POTEJ: variants seen among roughly 807,000 people sequenced by gnomAD.
The protein encoded by POTEJ is POTE ankyrin domain family, member J.
Under a neutral mutation model 69.0 loss-of-function variants are expected in POTEJ, and 11 were observed. The observed-to-expected ratio is 0.16, with a 90% CI of 0.10 to 0.26. POTEJ has a LOEUF of 0.26. Among genes scored for constraint, POTEJ ranks in the 10% least tolerant of loss-of-function variants. The probability of loss-of-function intolerance (pLI) is 1.00; values close to 1 mark genes in which losing one functional copy is unlikely to be tolerated. For missense variants in POTEJ, 327 were observed against 1,045.5 expected, an observed-to-expected ratio of 0.31 and a Z score of 9.48; for synonymous variants, 117 against 381.1, an observed-to-expected ratio of 0.31 and a Z score of 8.07.
rs1351752974 is a variant in POTEJ, at chr2:130,615,803, T to G, written c.411-987T>G. ...TCCACAAATAGTTTCATAAATCCAT[T>G]TTAAAACAACAAAATTTATAACAGT... On this transcript the variant is annotated intron_variant, in intron 1 of 14. Transcript: ENST00000409602. 9.1e-3 allele frequency among the ~76,000 whole-genome samples: 1,311 copies of G among 143,604 alleles called. 18 individuals are homozygous for G. The highest frequency in any genetic ancestry group is 0.034 in the African/African-American group (1,208 of 35,096). The allele number at this position is 143,604 out of a possible 152,430, so 94.2% of individuals were successfully genotyped here.
chr2:130,655,024 GA>G lies in POTEJ; in HGVS notation c.1777del (p.Met593Ter). ...TGAAGAAAAGCAGATAGAAGTGGTTGAAAAAATGAATTCTGAGGTATTTTCT... is the reference window on the plus strand; with the variant it reads ...TGAAGAAAAGCAGATAGAAGTGGTTGAAAAATGAATTCTGAGGTATTTTCT... ...IHEEKQIEVV[E>X]KMNSELSLSC... On this transcript the variant is annotated frameshift_variant, in exon 14 of 15. Coordinates refer to ENST00000409602, the MANE Select transcript of POTEJ (RefSeq NM_001277083.2). LOFTEE classifies it high-confidence loss of function. 1 of 828,040 alleles carries G rather than the reference GA, an allele frequency of 1.2e-6. No individual in the cohort carries two copies. Among genetic ancestry groups the G allele is most frequent in the Non-Finnish European group, 1.8e-6 (1 of 555,732 alleles). The allele number at this position is 828,040 out of a possible 1,614,324, so 51.3% of individuals were successfully genotyped here. A position where few individuals can be genotyped will look rare whatever the true frequency, so the allele number is the denominator to read the frequency against.
chr2:130,630,761 A>T (rs553210049), intron 7 of POTEJ, among the ~76,000 whole-genome samples: 472 of 138,218 alleles, frequency 3.4e-3, no homozygotes, highest in African/African-American at 7.8e-3. Context: ...TTATTAAAAA[A>T]TCTTTATCCA....
At position 130,657,435 on chromosome 2, in the gene POTEJ, T is replaced by G; in HGVS notation, c.2675T>G (p.Met892Arg). ...VALDFEQEMA[M>R]VASSSSLEKS... is the part of the protein sequence containing the mutation. ...CTGGACTTCGAGCAGGAGATGGCCATGGTGGCCTCCAGCTCCTCCCTAGAG... is the reference window on the plus strand; with the variant it reads ...CTGGACTTCGAGCAGGAGATGGCCAGGGTGGCCTCCAGCTCCTCCCTAGAG... Residue 892 changes from methionine (M) to arginine (R), a missense_variant, in exon 15 of 15, where the codon ATG becomes AGG. Physicochemically the swap from Met to Arg is moderately conservative, Grantham distance 91. Transcript: ENST00000409602. The G allele has an allele frequency of 8.3e-7, 1 of 1,206,788 alleles. No homozygotes were observed. The highest frequency in any genetic ancestry group is 1.1e-6 in the Non-Finnish European group (1 of 890,404). The allele number at this position is 1,206,788 out of a possible 1,614,324, so 74.8% of individuals were successfully genotyped here.
chr2:130,628,921 G>A (rs1422191726), intron 6 of POTEJ, among the ~76,000 whole-genome samples: 5 of 145,720 alleles, frequency 3.4e-5, no homozygotes, highest in Non-Finnish European at 6.0e-5. Flanking sequence ...CGGAGACTGA[G>A]ACAGGAGAAT....
At chr2:130,628,769 C>T (rs1327196074) in intron 6 of POTEJ, among the ~76,000 whole-genome samples, 6 of 149,592 alleles carry the variant, frequency 4.0e-5, no homozygotes, top group Non-Finnish European at 8.9e-5. Flanking sequence ...CACCTCTAAT[C>T]CCAGCATTTT....
intron 10 of POTEJ, among the ~76,000 whole-genome samples, chr2:130,643,119 G>A (rs1352944250): frequency 6.8e-6 from 1 of 146,982 alleles, no homozygotes; most frequent in Non-Finnish European, 1.5e-5. Context: ...TACAGTTTAG[G>A]TGGTCAAGAT....
rs1014922702 is a variant in POTEJ at position 130,620,632 on chromosome 2, C to G, written c.806+481C>G. Among the ~76,000 whole-genome samples the G allele has an allele frequency of 2.2e-5, 2 of 90,920 alleles. 1 individual carries two copies. The highest frequency in any genetic ancestry group is 3.7e-5 in the Non-Finnish European group (2 of 53,604). The allele number at this position is 90,920 out of a possible 152,430, so 59.6% of individuals were successfully genotyped here. On this transcript the variant is annotated intron_variant, in intron 4 of 14. Transcript: ENST00000409602. ...GAAGAATATTAATGTTAGCTTATTG[C>G]TACATGACAATTAATTGCTGTTCCC...
In POTEJ at chr2:130,624,005, G is replaced by T. The variant is rs1296471430; in HGVS notation, c.945-59G>T. Reference sequence around the variant, plus strand: ...AATACTCTTAATAATTCTGCATTTGGTAAGATTTTTATATCAGTATTAAAA... The same window carrying T: ...AATACTCTTAATAATTCTGCATTTGTTAAGATTTTTATATCAGTATTAAAA... On this transcript the variant is annotated intron_variant, in intron 5 of 14. Coordinates refer to ENST00000409602, the MANE Select transcript of POTEJ (RefSeq NM_001277083.2). The T allele has an allele frequency of 1.3e-6, 2 of 1,490,288 alleles. 1 individual carries two copies. Among genetic ancestry groups the T allele is most frequent in the Non-Finnish European group, 1.8e-6 (2 of 1,101,772 alleles). 92.3% of individuals were successfully genotyped at this position (1,490,288 alleles called of 1,614,324 possible).
intron 10 of POTEJ, among the ~76,000 whole-genome samples, chr2:130,640,591 A>G (rs1449170742): frequency 1.3e-5 from 2 of 151,978 alleles, no homozygotes; most frequent in African/African-American, 4.8e-5. Flanking sequence ...AATCCGCAGC[A>G]GCTCCAAACA....
In POTEJ at chr2:130,656,563, T is replaced by C. The variant is rs1274515568; in HGVS notation, c.1803T>C (p.Cys601=). ...EKMNSELSLS[C]KKERDFLHEN... is the part of the protein sequence containing the mutation. ...TGTTTACTTAGCTTTCTCTTAGTTG[T>C]AAGAAAGAAAGAGACTTCTTGCATG... Residue 601 remains cysteine, a synonymous_variant, in exon 15 of 15, where the codon TGT becomes TGC. Coordinates refer to ENST00000409602, the MANE Select transcript of POTEJ (RefSeq NM_001277083.2). 7 of 1,609,346 alleles carry C rather than the reference T, an allele frequency of 4.3e-6. No homozygotes were observed. The highest frequency in any genetic ancestry group is 5.9e-6 in the Non-Finnish European group (7 of 1,179,794).
At chr2:130,655,329 G>T (rs1265261684) in intron 14 of POTEJ, among the ~76,000 whole-genome samples, 3 of 152,182 alleles carry the variant, frequency 2.0e-5, no homozygotes, top group Non-Finnish European at 2.9e-5. Flanking sequence ...AATAAGTTTT[G>T]CTACTGAAAA....
In POTEJ at chr2:130,622,636, C is replaced by T. The variant is rs569106285; in HGVS notation, c.944+1033C>T. On this transcript the variant is annotated intron_variant, in intron 5 of 14. Transcript: ENST00000409602. ...CAGTGGCTCCCAGCTGTGGTTGGCC[C>T]CTTGAGTGATCTGATTTACATGATA... is the stretch of plus-strand genomic sequence containing the variant. Among the ~76,000 whole-genome samples the T allele has an allele frequency of 4.2e-4, 58 of 138,714 alleles. 4 individuals are homozygous for T. In the South Asian group the frequency reaches 4.7e-3, roughly 11 times the overall value. The allele number at this position is 138,714 out of a possible 152,430, so 91.0% of individuals were successfully genotyped here.
intron 14 of POTEJ, among the ~76,000 whole-genome samples, chr2:130,655,549 A>C (rs1404075266): frequency 1.3e-5 from 2 of 152,244 alleles, no homozygotes; most frequent in Non-Finnish European, 2.9e-5. Flanking sequence ...ATGACATGCC[A>C]TGATACACAT....
intron 10 of POTEJ, among the ~76,000 whole-genome samples, chr2:130,639,306 A>G (rs1686243912): frequency 6.6e-6 from 1 of 152,310 alleles, no homozygotes; most frequent in Non-Finnish European, 1.5e-5. Flanking sequence ...TGTTCACAAA[A>G]GAACAGTGAA....
chr2:130,626,847 CT>C (rs1488691690), intron 6 of POTEJ, among the ~76,000 whole-genome samples: 1 of 152,148 alleles, frequency 6.6e-6, no homozygotes. Flanking sequence ...TGGTGTTATG[CT>C]TTTTTCATTT....
intron 6 of POTEJ, among the ~76,000 whole-genome samples, chr2:130,627,439 C>A (rs1573976994): frequency 7.1e-6 from 1 of 141,070 alleles, no homozygotes; most frequent in Admixed American, 6.9e-5. Context: ...ATGATACTCT[C>A]CATGACCTGT....
chr2:130,640,811 A>G (rs1377470803), intron 10 of POTEJ, among the ~76,000 whole-genome samples: 1 of 152,186 alleles, frequency 6.6e-6, no homozygotes, highest in Non-Finnish European at 1.5e-5. Flanking sequence ...GAGGAGGGGG[A>G]TTGGGATATT....
At chr2:130,614,205 TC>T (rs1189064726) in intron 1 of POTEJ, among the ~76,000 whole-genome samples, 2 of 152,092 alleles carry the variant, frequency 1.3e-5, no homozygotes, top group Admixed American at 1.3e-4. Context: ...CTGTTTTCTA[TC>T]CACAAAGTTT....
intron 9 of POTEJ, among the ~76,000 whole-genome samples, chr2:130,637,356 G>A (rs1247417683): frequency 1.0e-3 from 152 of 150,396 alleles, no homozygotes; most frequent in African/African-American, 3.5e-3. Flanking sequence ...TCGCTGTATC[G>A]CCCAGGCTGG....
Sources: gnomAD v4.1 joint callset for allele counts (sites outside exome capture counted in the v4.1 genomes callset) on GRCh38, gnomAD v4.1.1 for gene constraint, MANE v1.5 for transcripts, NCBI Gene and HGNC (gene_info 2026-07-23, HGNC 2026-07-21) for gene names.